Variants in PHLDB2 observed in about 807,000 individuals in gnomAD.
PHLDB2 encodes pleckstrin homology like domain family B member 2.
In PHLDB2, 71 loss-of-function variants were observed where a neutral mutation model predicts 123.6. That is an observed-to-expected ratio of 0.57 (90% CI 0.47 to 0.70). PHLDB2 has a LOEUF of 0.70. Among genes scored for constraint, PHLDB2 ranks in the 30% least tolerant of loss-of-function variants. The probability of loss-of-function intolerance (pLI) is 0.00; values close to 1 mark genes in which losing one functional copy is unlikely to be tolerated. For missense variants in PHLDB2, 1,446 were observed against 1,519.5 expected, an observed-to-expected ratio of 0.95 and a Z score of 0.80; for synonymous variants, 547 against 541.6, an observed-to-expected ratio of 1.01 and a Z score of -0.14.
intron 1 of PHLDB2, among the ~76,000 whole-genome samples, chr3:111,818,027 A>G (rs1337420050): frequency 6.6e-6 from 1 of 152,074 alleles, no homozygotes; most frequent in African/African-American, 2.4e-5. Context: ...TTTGTTCACT[A>G]ATGTTCATCT....
intron 2 of PHLDB2, among the ~76,000 whole-genome samples, chr3:111,851,134 G>T (rs1407322053): frequency 6.9e-6 from 1 of 145,044 alleles, no homozygotes. Context: ...GGCAGAGCTT[G>T]CAGTGAGCCG....
intron 1 of PHLDB2, among the ~76,000 whole-genome samples, chr3:111,738,629 T>C (rs2059549787): frequency 6.6e-6 from 1 of 152,084 alleles, no homozygotes; most frequent in African/African-American, 2.4e-5. Context: ...TGTATGTTAG[T>C]GTGTGTGTAT....
At chr3:111,935,824 G>A (rs811814) in intron 6 of PHLDB2, among the ~76,000 whole-genome samples, 32,999 of 151,548 alleles carry the variant, frequency 0.22, 5,698 homozygotes, top group African/African-American at 0.48. Context: ...ATTAAGGGTG[G>A]GTCTGCCTTT....
In PHLDB2 at chr3:111,884,072, A is replaced by G. The variant is rs775112413; in HGVS notation, c.-6A>G. 2 of 1,594,632 alleles carry G rather than the reference A, an allele frequency of 1.3e-6. No individual in the cohort carries two copies. The highest frequency in any genetic ancestry group is 2.3e-5 in the South Asian group (2 of 87,062). ...GTTTTATTTCTTTACAGATTCCAGC[A>G]AGATTATGGAAGAGCATAGCTACAT... On this transcript the variant is annotated 5_prime_UTR_variant, in exon 2 of 18. Coordinates refer to ENST00000431670, the MANE Select transcript of PHLDB2 (RefSeq NM_001134438.2).
At chr3:111,942,630 C>T (rs989118358) in intron 8 of PHLDB2, among the ~76,000 whole-genome samples, 4 of 152,004 alleles carry the variant, frequency 2.6e-5, no homozygotes, top group African/African-American at 9.7e-5. Context: ...TGATTTGCTG[C>T]ATAAAATGCC....
chr3:111,905,680 A>T (rs114638335), intron 2 of PHLDB2, among the ~76,000 whole-genome samples: 4,241 of 152,196 alleles, frequency 0.028, 127 homozygotes, highest in South Asian at 0.12. Flanking sequence ...TACCTTTGGG[A>T]GGGTCACCCC....
At chr3:111,762,732 C>A (rs978280578) in intron 1 of PHLDB2, among the ~76,000 whole-genome samples, 6 of 152,094 alleles carry the variant, frequency 3.9e-5, no homozygotes, top group Non-Finnish European at 2.9e-5. Flanking sequence ...AACACAATAC[C>A]CAGCTCTGAT....
At chr3:111,747,740 C>A (rs1353233294) in intron 1 of PHLDB2, among the ~76,000 whole-genome samples, 1 of 152,230 alleles carries the variant, frequency 6.6e-6, no homozygotes, top group Admixed American at 6.5e-5. Context: ...CAGTGTTTAG[C>A]AGTCTGACTC....
At chr3:111,885,575 AT>A (rs2066119010) in intron 2 of PHLDB2, 163 bp downstream of exon 2, 1 of 940,280 alleles carries the variant, frequency 1.1e-6, no homozygotes, top group African/African-American at 1.6e-5. Flanking sequence ...TCTTCTTCCC[AT>A]ATCACTATTA....
In PHLDB2 at chr3:111,913,374, A is replaced by G. The variant is rs773164528; in HGVS notation, c.1391A>G (p.Asp464Gly). 3.7e-6 allele frequency: 6 copies of G among 1,613,704 alleles called. No individual in the cohort carries two copies. In the East Asian group the frequency reaches 8.9e-5, roughly 24 times the overall value. Reference protein sequence around the residue: ...LSLCAEYTKPDSRLSTGTTVE... With the variant: ...LSLCAEYTKPGSRLSTGTTVE... ...CTCTGTGCTGAATACACAAAGCCTG[A>G]CAGTCGCTTATCTACTGGGACCACC... The change falls in exon 3 of 18, where the codon GAC becomes GGC. Residue 464 changes from aspartate (D) to glycine (G), a missense_variant. Physicochemically the swap from Asp to Gly is moderately conservative, Grantham distance 94. Transcript: ENST00000431670.
At chr3:111,865,579 G>T (rs886571963) in intron 1 of PHLDB2, among the ~76,000 whole-genome samples, 1 of 152,136 alleles carries the variant, frequency 6.6e-6, no homozygotes, top group Non-Finnish European at 1.5e-5. Flanking sequence ...AGAAACTCCT[G>T]TTGAAACAAA....
At chr3:111,841,955 A>T (rs1576847431) in intron 1 of PHLDB2, among the ~76,000 whole-genome samples, 2 of 152,332 alleles carry the variant, frequency 1.3e-5, no homozygotes, top group Middle Eastern at 6.8e-3. Flanking sequence ...ACAGCACAGT[A>T]CATGTATTAA....
intron 1 of PHLDB2, among the ~76,000 whole-genome samples, chr3:111,793,333 A>G (rs1032114368): frequency 6.6e-6 from 1 of 152,014 alleles, no homozygotes; most frequent in African/African-American, 2.4e-5. Context: ...GCTTGCAGAA[A>G]ATACTGCTTG....
chr3:111,864,922 A>G (rs1289007034), intron 1 of PHLDB2, among the ~76,000 whole-genome samples: 2 of 152,244 alleles, frequency 1.3e-5, no homozygotes, highest in African/African-American at 4.8e-5. Flanking sequence ...TTGTTTGCAC[A>G]TTGCATGTGA....
At chr3:111,969,254 C>T (rs1253454716) in intron 15 of PHLDB2, among the ~76,000 whole-genome samples, 1 of 152,192 alleles carries the variant, frequency 6.6e-6, no homozygotes, top group Non-Finnish European at 1.5e-5. Flanking sequence ...AGTGTTCAAT[C>T]AATCATGTCA....
At chr3:111,884,026 T>A in intron 1 of PHLDB2, 38 bp from the exon 2 acceptor site, 2 of 1,557,936 alleles carry the variant, frequency 1.3e-6, no homozygotes, top group Non-Finnish European at 1.7e-6. Flanking sequence ...TTTTAAAATC[T>A]TCTTTAAGGC....
chr3:111,907,647 C>T (rs2067627816), intron 2 of PHLDB2, among the ~76,000 whole-genome samples: 1 of 152,116 alleles, frequency 6.6e-6, no homozygotes, highest in Non-Finnish European at 1.5e-5. Context: ...AGGTGCCCAC[C>T]ACCGCTCCCA....
intron 6 of PHLDB2, among the ~76,000 whole-genome samples, chr3:111,933,740 G>A (rs1270271059): frequency 6.6e-6 from 1 of 152,124 alleles, no homozygotes; most frequent in African/African-American, 2.4e-5. Flanking sequence ...TTTGTAATTT[G>A]CTTGTGTTTA....
intron 1 of PHLDB2, among the ~76,000 whole-genome samples, chr3:111,819,031 G>A (rs762873438): frequency 6.6e-6 from 1 of 152,156 alleles, no homozygotes; most frequent in Non-Finnish European, 1.5e-5. Flanking sequence ...TAGAATGCCA[G>A]CATGGTCAGG....
Sources: allele counts gnomAD v4.1 joint callset (sites outside exome capture counted in the v4.1 genomes callset), GRCh38; gene constraint gnomAD v4.1.1; transcripts MANE v1.5; gene names NCBI Gene and HGNC (gene_info 2026-07-23, HGNC 2026-07-21).